The following ERG variants were observed in gnomAD, a reference collection of about 807,000 sequenced individuals.
ERG encodes ETS transcription factor ERG.
ERG carries 9 observed loss-of-function variants against 55.3 expected under a neutral mutation model. That is an observed-to-expected ratio of 0.16 (90% CI 0.10 to 0.28). The LOEUF (loss-of-function observed/expected upper bound fraction) is 0.28. Ranked by LOEUF, ERG falls within the 10% of genes least tolerant of loss-of-function variation. ERG has a pLI of 1.00. For missense variants in ERG, 434 were observed against 631.6 expected (o/e 0.69, Z 3.35); for synonymous variants, 223 against 237.3 (o/e 0.94, Z 0.55).
At chr21:38,369,178 T>C in the ERG span, among the ~76,000 whole-genome samples, 3 of 152,350 alleles carry the variant, frequency 2.0e-5, no homozygotes, top group Admixed American at 1.3e-4. Flanking sequence ...TTTAGGTCTT[T>C]GAGGAATCAC....
chr21:38,647,729 C>T (rs894134313), intron 1 of ERG, among the ~76,000 whole-genome samples: 8 of 152,172 alleles, frequency 5.3e-5, no homozygotes, highest in African/African-American at 1.7e-4. Context: ...TTCTGATATG[C>T]TTAAGGTATC....
At chr21:38,653,023 A>T (rs1339657506) in intron 1 of ERG, among the ~76,000 whole-genome samples, 1 of 152,146 alleles carries the variant, frequency 6.6e-6, no homozygotes, top group Non-Finnish European at 1.5e-5. Context: ...CACCGCCTAG[A>T]TTCTAGATTC....
chr21:38,658,775 A>G (rs1195187624), intron 1 of ERG, among the ~76,000 whole-genome samples: 2 of 152,224 alleles, frequency 1.3e-5, no homozygotes, highest in Non-Finnish European at 1.5e-5. Context: ...TACCACAAAT[A>G]AAATATCTGA....
In ERG at chr21:38,381,326, C is replaced by T. The variant is rs535775280; in HGVS notation, c.*2077G>A. The stretch of plus-strand genomic sequence containing the variant: ...CCTTGTATTTTCACCTTTTGAGTTG[C>T]CTTCACCTGGACCAAGGTTGGCAGC... On this transcript the variant is annotated 3_prime_UTR_variant, in exon 10 of 10. Transcript: ENST00000288319. 42 of 1,064,578 alleles carry T rather than the reference C, an allele frequency of 3.9e-5. No homozygotes were observed. The East Asian group carries it at 1.9e-3, about 48-fold the overall frequency. The allele number at this position is 1,064,578 out of a possible 1,614,324, so 65.9% of individuals were successfully genotyped here.
At chr21:38,486,610 T>C (rs574163736) in intron 1 of ERG, among the ~76,000 whole-genome samples, 3 of 152,134 alleles carry the variant, frequency 2.0e-5, no homozygotes, top group African/African-American at 7.2e-5. Context: ...AGGAAGATAA[T>C]TGATTACTTC....
intron 2 of ERG, among the ~76,000 whole-genome samples, chr21:38,528,357 T>A (rs2059645306): frequency 6.6e-6 from 1 of 151,474 alleles, no homozygotes; most frequent in Admixed American, 6.6e-5. Context: ...GAACCTGGAT[T>A]AGAACTTCAC....
chr21:38,659,723 T>C (rs148205077), intron 1 of ERG, among the ~76,000 whole-genome samples: 71 of 152,320 alleles, frequency 4.7e-4, no homozygotes, highest in Middle Eastern at 6.8e-3. Flanking sequence ...TAACGATGAG[T>C]TGTATTAAAT....
chr21:38,400,390 G>A (rs1988429245), intron 6 of ERG, 184 bp downstream of exon 6: 2 of 713,012 alleles, frequency 2.8e-6, no homozygotes, highest in African/African-American at 1.7e-5. Flanking sequence ...CTTTAGTGTG[G>A]TCTTTGAATG....
intron 1 of ERG, chr21:38,450,880 A>G (rs766801986): frequency 2.2e-6 from 1 of 455,454 alleles, no homozygotes; most frequent in South Asian, 1.6e-5. Flanking sequence ...AATCCTTACA[A>G]TTGTCCTATA....
chr21:38,441,245 G>T (rs1253310508), intron 2 of ERG, among the ~76,000 whole-genome samples: 1 of 151,920 alleles, frequency 6.6e-6, no homozygotes, highest in African/African-American at 2.4e-5. Context: ...TGGCCAGGCC[G>T]TAGCACCCAG....
At position 38,641,919 on chromosome 21, in the gene ERG, C is replaced by G. The variant is rs531662611; in HGVS notation, c.-150+19739G>C. On this transcript the variant is annotated intron_variant, in intron 1 of 10. Coordinates refer to the ERG transcript ENST00000398910. The stretch of plus-strand genomic sequence containing the variant: ...CTGATTCCTGGGCCCCACCCCAAGA[C>G]AGCCTGATTCAATTGGCCTGGGATA... Among the ~76,000 whole-genome samples the G allele has an allele frequency of 2.6e-5, 4 of 152,328 alleles. No individual in the cohort carries two copies. In the East Asian group the frequency reaches 5.8e-4, roughly 22 times the overall value.
chr21:38,425,696 G>A (rs1390157521), intron 2 of ERG, among the ~76,000 whole-genome samples: 1 of 152,152 alleles, frequency 6.6e-6, no homozygotes, highest in East Asian at 1.9e-4. Flanking sequence ...TTCTGGTTGT[G>A]GGATCCACGC....
chr21:38,380,814 G>A lies in ERG; in HGVS notation c.*2589C>T, dbSNP rs1987395564. 1 of 1,064,734 alleles carries A rather than the reference G, an allele frequency of 9.4e-7. No individual in the cohort carries two copies. The highest frequency in any genetic ancestry group is 1.1e-6 in the Non-Finnish European group (1 of 879,004). The allele number at this position is 1,064,734 out of a possible 1,614,324, so 66.0% of individuals were successfully genotyped here. A position where few individuals can be genotyped will look rare whatever the true frequency, so the allele number is the denominator to read the frequency against. The stretch of plus-strand genomic sequence containing the variant: ...TGTTAAAATTGAATATGATAATCAT[G>A]TCTTGTTTTTATGATCTTGCTCATG... On this transcript the variant is annotated 3_prime_UTR_variant, in exon 10 of 10. Transcript: ENST00000288319.
intron 1 of ERG, among the ~76,000 whole-genome samples, chr21:38,458,209 A>C (rs989943594): frequency 3.3e-5 from 5 of 152,094 alleles, no homozygotes; most frequent in African/African-American, 1.2e-4. Flanking sequence ...GCAGATCACG[A>C]GGTCAGGAGT....
At chr21:38,431,196 T>G (rs1028031965) in intron 2 of ERG, among the ~76,000 whole-genome samples, 2 of 152,194 alleles carry the variant, frequency 1.3e-5, no homozygotes, top group African/African-American at 4.8e-5. Flanking sequence ...AAATTTGAGT[T>G]AAGGAGAGAA....
chr21:38,522,920 A>C (rs749727293), intron 2 of ERG, among the ~76,000 whole-genome samples: 12 of 152,192 alleles, frequency 7.9e-5, no homozygotes, highest in Non-Finnish European at 1.8e-4. Flanking sequence ...AACAAAAACA[A>C]AGTAGGTATA....
upstream of ERG, among the ~76,000 whole-genome samples, chr21:38,587,335 T>A (rs1279553357): frequency 1.3e-5 from 2 of 151,224 alleles, no homozygotes; most frequent in African/African-American, 2.4e-5. Flanking sequence ...GTGCAGTAGA[T>A]CATGCTTTGC....
At chr21:38,403,343 C>T (rs1988597997) in intron 4 of ERG, among the ~76,000 whole-genome samples, 163 bp downstream of exon 4, 1 of 152,172 alleles carries the variant, frequency 6.6e-6, no homozygotes, top group Non-Finnish European at 1.5e-5. Context: ...GGGTGTTGCT[C>T]CCCTAAGTCA....
At chr21:38,599,821 C>A (rs1294931914) in intron 1 of ERG, among the ~76,000 whole-genome samples, 2 of 152,336 alleles carry the variant, frequency 1.3e-5, no homozygotes, top group African/African-American at 4.8e-5. Flanking sequence ...AGACTTGAGG[C>A]ATGAGTTTGG....
Sources: allele counts gnomAD v4.1 joint callset (sites outside exome capture counted in the v4.1 genomes callset), GRCh38; gene constraint gnomAD v4.1.1; transcripts MANE v1.5; gene names NCBI Gene and HGNC (gene_info 2026-07-23, HGNC 2026-07-21).